Variants in DPP10 observed in about 807,000 individuals in gnomAD.
The protein encoded by DPP10 is inactive dipeptidyl peptidase 10.
A neutral mutation model predicts 120.9 loss-of-function variants in DPP10; 33 were observed. The ratio of observed to expected loss-of-function variants is 0.27; its 90% confidence interval spans 0.21 to 0.37. The LOEUF (loss-of-function observed/expected upper bound fraction) is 0.37. DPP10 is among the 10% of genes least tolerant of loss of function. The probability of loss-of-function intolerance (pLI) is 1.00; values close to 1 mark genes in which losing one functional copy is unlikely to be tolerated. For missense variants in DPP10, 816 were observed against 942.8 expected, an observed-to-expected ratio of 0.87 and a Z score of 1.76; for synonymous variants, 337 against 326.1, an observed-to-expected ratio of 1.03 and a Z score of -0.36.
intron 1 of DPP10, among the ~76,000 whole-genome samples, chr2:114,460,293 A>G (rs1678826342): frequency 6.6e-6 from 1 of 152,148 alleles, no homozygotes; most frequent in African/African-American, 2.4e-5. Context: ...CTGACATATA[A>G]AATGATCAGT....
At chr2:114,562,692 T>C (rs562606534) in intron 1 of DPP10, among the ~76,000 whole-genome samples, 1 of 152,302 alleles carries the variant, frequency 6.6e-6, no homozygotes, top group African/African-American at 2.4e-5. Flanking sequence ...TAGATTCATA[T>C]TGAAACTCTC....
At position 115,839,966 on chromosome 2, in the gene DPP10, G is replaced by A. The variant is rs75793710; in HGVS notation, c.2183-784G>A. ...TGTGTATTCTATTTTCTCAGTATGG[G>A]GTATTCTTTTCTAATTTTGAATAAT... is the stretch of plus-strand genomic sequence containing the variant. On this transcript the variant is annotated intron_variant, in intron 24 of 25. Coordinates refer to ENST00000410059, the MANE Select transcript of DPP10 (RefSeq NM_020868.6). Among the ~76,000 whole-genome samples, 1,192 of 151,994 alleles carry A rather than the reference G, an allele frequency of 7.8e-3. 7 individuals are homozygous for A. The highest frequency in any genetic ancestry group is 0.013 in the Non-Finnish European group (905 of 67,956).
intron 3 of DPP10, among the ~76,000 whole-genome samples, chr2:115,437,643 T>G (rs950210554): frequency 1.3e-5 from 2 of 152,076 alleles, no homozygotes; most frequent in Non-Finnish European, 2.9e-5. Context: ...AGGTGGCAAC[T>G]GAAATATTCA....
chr2:114,963,865 A>G (rs1698823489), intron 1 of DPP10, among the ~76,000 whole-genome samples: 1 of 152,230 alleles, frequency 6.6e-6, no homozygotes, highest in Non-Finnish European at 1.5e-5. Flanking sequence ...CTAGCAGAAC[A>G]GAACTAGAAG....
rs551414981 is a variant in DPP10 at position 115,455,771 on chromosome 2, A to G, written c.272-43739A>G. 3.3e-5 allele frequency among the ~76,000 whole-genome samples: 5 copies of G among 152,344 alleles called. No individual in the cohort carries two copies. In the East Asian group the frequency reaches 5.8e-4, roughly 18 times the overall value. On this transcript the variant is annotated intron_variant, in intron 3 of 25. Transcript: ENST00000410059. Reference sequence around the variant, plus strand: ...GGAAAACTGTCTAGCCATATGTAGAAAGCTGAAAGTGGATCACTTCCTTTC... The same window carrying G: ...GGAAAACTGTCTAGCCATATGTAGAGAGCTGAAAGTGGATCACTTCCTTTC...
At chr2:115,300,547 G>A (rs540337573) in intron 1 of DPP10, among the ~76,000 whole-genome samples, 3 of 152,006 alleles carry the variant, frequency 2.0e-5, no homozygotes, top group Admixed American at 6.6e-5. Flanking sequence ...GTGAACAGAG[G>A]TGTACAAATA....
intron 1 of DPP10, among the ~76,000 whole-genome samples, chr2:115,021,775 T>C (rs1703094917): frequency 6.6e-6 from 1 of 151,808 alleles, no homozygotes; most frequent in African/African-American, 2.4e-5. Context: ...CAAAAAATTA[T>C]GACAAATCCA....
chr2:114,813,121 T>C (rs17043587), intron 1 of DPP10, among the ~76,000 whole-genome samples: 5,594 of 152,318 alleles, frequency 0.037, 332 homozygotes, highest in African/African-American at 0.13. Context: ...TCAAATGGTC[T>C]GGATACTAAA....
intron 5 of DPP10, among the ~76,000 whole-genome samples, chr2:115,651,686 A>G (rs967342059): frequency 3.9e-5 from 6 of 151,968 alleles, no homozygotes; most frequent in Non-Finnish European, 7.4e-5. Flanking sequence ...CTTTGATCAT[A>G]CCATATGGGG....
chr2:115,603,488 G>A (rs1391828757), intron 5 of DPP10, among the ~76,000 whole-genome samples: 3 of 151,126 alleles, frequency 2.0e-5, no homozygotes, highest in African/African-American at 7.3e-5. Flanking sequence ...TCAGGCCCTG[G>A]TGTAACGTTT....
chr2:115,107,248 G>A (rs17040480), intron 1 of DPP10, among the ~76,000 whole-genome samples: 8,502 of 151,766 alleles, frequency 0.056, 305 homozygotes, highest in East Asian at 0.15. Context: ...AGGGATCACC[G>A]ATTTGACAGT....
intron 1 of DPP10, among the ~76,000 whole-genome samples, chr2:115,291,571 C>A (rs574248641): frequency 8.5e-4 from 129 of 152,048 alleles, no homozygotes; most frequent in Non-Finnish European, 1.4e-3. Flanking sequence ...AATTTATATG[C>A]CCAGTGTATC....
intron 1 of DPP10, among the ~76,000 whole-genome samples, chr2:115,047,002 T>G (rs2105326942): frequency 6.6e-6 from 1 of 152,184 alleles, no homozygotes; most frequent in African/African-American, 2.4e-5. Flanking sequence ...CTTACTCTCA[T>G]TCAATTCAGC....
At chr2:115,387,639 T>C (rs2106523085) in intron 3 of DPP10, among the ~76,000 whole-genome samples, 1 of 152,322 alleles carries the variant, frequency 6.6e-6, no homozygotes, top group East Asian at 1.9e-4. Context: ...TATTTTAAAA[T>C]AATGTTATTG....
chr2:115,835,257 T>A (rs776603037), intron 21 of DPP10, among the ~76,000 whole-genome samples: 1 of 151,590 alleles, frequency 6.6e-6, no homozygotes, highest in African/African-American at 2.4e-5. Flanking sequence ...AATTGTCTTA[T>A]ACCTCAGATG....
At chr2:114,903,178 A>G (rs926622720) in intron 1 of DPP10, among the ~76,000 whole-genome samples, 3 of 152,098 alleles carry the variant, frequency 2.0e-5, no homozygotes, top group African/African-American at 4.8e-5. Context: ...GATGTACCAC[A>G]GTTGATTTAT....
At chr2:114,857,024 GA>G (rs943717271) in intron 1 of DPP10, among the ~76,000 whole-genome samples, 1 of 150,700 alleles carries the variant, frequency 6.6e-6, no homozygotes, top group Non-Finnish European at 1.5e-5. Context: ...CTGAGAGTCA[GA>G]AAAAAAAAGA....
intron 1 of DPP10, among the ~76,000 whole-genome samples, chr2:115,106,633 A>T (rs972099413): frequency 2.7e-5 from 4 of 150,536 alleles, no homozygotes; most frequent in African/African-American, 9.8e-5. Flanking sequence ...CTAATTTTAC[A>T]TTTTTTTTTC....
At position 114,867,818 on chromosome 2, in the gene DPP10, T is replaced by A. The variant is rs762135701; in HGVS notation, c.60+424980T>A. Reference sequence around the variant, plus strand: ...TGAAGGTATTTAAAGGAAAATGAGGTCATGGTGTCACCAGAAAAGGTCACT... The same window carrying A: ...TGAAGGTATTTAAAGGAAAATGAGGACATGGTGTCACCAGAAAAGGTCACT... On this transcript the variant is annotated intron_variant, in intron 1 of 25. Coordinates refer to ENST00000410059, the MANE Select transcript of DPP10 (RefSeq NM_020868.6). Among the ~76,000 whole-genome samples the A allele has an allele frequency of 1.5e-4, 23 of 152,148 alleles. 1 individual carries two copies. The highest frequency in any genetic ancestry group is 4.6e-4 in the Admixed American group (7 of 15,270).
Sources: allele counts gnomAD v4.1 joint callset (sites outside exome capture counted in the v4.1 genomes callset), GRCh38; gene constraint gnomAD v4.1.1; transcripts MANE v1.5; gene names NCBI Gene and HGNC (gene_info 2026-07-23, HGNC 2026-07-21).